The following DDC variants were observed in gnomAD, a reference collection of about 807,000 sequenced individuals.
DDC encodes the protein aromatic-L-amino-acid decarboxylase.
Under a neutral mutation model 60.0 loss-of-function variants are expected in DDC, and 43 were observed. That is an observed-to-expected ratio of 0.72 (90% confidence interval 0.56 to 0.92). DDC has a LOEUF of 0.92. Among genes scored for constraint, DDC ranks in the 40% least tolerant of loss-of-function variants. The pLI is 0.00. For missense variants in DDC, 573 were observed against 620.2 expected (o/e 0.92, Z 0.81); for synonymous variants, 232 against 234.6 (o/e 0.99, Z 0.10).
chr7:50,462,486 C>G (rs983536177), intron 14 of DDC, among the ~76,000 whole-genome samples: 1 of 152,118 alleles, frequency 6.6e-6, no homozygotes. Flanking sequence ...GCCCGGTAGT[C>G]GAAACATATC....
At chr7:50,530,697 G>A (rs1190989439) in intron 4 of DDC, among the ~76,000 whole-genome samples, 1 of 152,154 alleles carries the variant, frequency 6.6e-6, no homozygotes, top group Non-Finnish European at 1.5e-5. Flanking sequence ...AAAGGTAGGG[G>A]CAGCGAGCAC....
intron 4 of DDC, among the ~76,000 whole-genome samples, chr7:50,533,288 G>A (rs1319148195): frequency 6.6e-6 from 1 of 150,908 alleles, no homozygotes; most frequent in Non-Finnish European, 1.5e-5. Flanking sequence ...TATCTAGGTG[G>A]AAAGGGGACT....
intron 6 of DDC, among the ~76,000 whole-genome samples, chr7:50,505,722 C>A (rs2043375561): frequency 6.6e-6 from 1 of 152,372 alleles, no homozygotes; most frequent in African/African-American, 2.4e-5. Context: ...GATGCCTGCT[C>A]AGGGACCAGA....
At chr7:50,482,711 CA>C (rs1186757883) in intron 9 of DDC, among the ~76,000 whole-genome samples, 2 of 152,036 alleles carry the variant, frequency 1.3e-5, no homozygotes, top group Non-Finnish European at 2.9e-5. Flanking sequence ...TAATGACTTC[CA>C]AAAAATTATA....
intron 6 of DDC, among the ~76,000 whole-genome samples, chr7:50,510,019 G>A (rs1350225950): frequency 6.6e-6 from 1 of 151,584 alleles, no homozygotes; most frequent in East Asian, 1.9e-4. Flanking sequence ...TGCCCAGGCT[G>A]GAGTGAAGTG....
intron 4 of DDC, among the ~76,000 whole-genome samples, chr7:50,534,107 G>GT (rs2044309318): frequency 6.6e-6 from 1 of 152,226 alleles, no homozygotes; most frequent in African/African-American, 2.4e-5. Context: ...TCACGTGCAA[G>GT]GATGTTCCGA....
intron 1 of DDC, among the ~76,000 whole-genome samples, chr7:50,548,921 C>G (rs902440892): frequency 1.3e-5 from 2 of 152,156 alleles, no homozygotes; most frequent in Non-Finnish European, 2.9e-5. Context: ...TAAGTTGCAG[C>G]CTATGCTTAC....
At chr7:50,464,686 T>C (rs2042356405) in intron 13 of DDC, among the ~76,000 whole-genome samples, 1 of 152,100 alleles carries the variant, frequency 6.6e-6, no homozygotes, top group Non-Finnish European at 1.5e-5. Context: ...ACAATTACAA[T>C]GAACAAAGTA....
chr7:50,518,266 T>A (rs535813975), intron 6 of DDC, among the ~76,000 whole-genome samples: 2 of 150,868 alleles, frequency 1.3e-5, no homozygotes, highest in East Asian at 3.9e-4. Flanking sequence ...ACACATTCCA[T>A]GCTCATTAAT....
At chr7:50,539,692 G>A in intron 3 of DDC, 1 of 541,494 alleles carries the variant, frequency 1.8e-6, no homozygotes, top group Non-Finnish European at 3.4e-6. Flanking sequence ...CACAGCCTGT[G>A]CAGAATGGGC....
intron 1 of DDC, among the ~76,000 whole-genome samples, chr7:50,553,775 G>A (rs10229387): frequency 0.52 from 78,523 of 151,848 alleles, 22,542 homozygotes; most frequent in East Asian, 0.65. Context: ...GTGAACCACC[G>A]TACCCAGCCT....
At position 50,479,887 on chromosome 7, in the gene DDC, G is replaced by A. The variant is rs749547440; in HGVS notation, c.945-24C>T. 14 of 1,599,008 alleles carry A rather than the reference G, an allele frequency of 8.8e-6. No homozygotes were observed. In the East Asian group the frequency reaches 1.8e-4, roughly 20 times the overall value. On this transcript the variant is annotated intron_variant, in intron 9 of 14. Transcript: ENST00000444124. ...CCCTGGTTTTAGAGAACAAATGAAA[G>A]GGCTGATAACCAAGTACCCTAGACT...
At chr7:50,555,255 T>C (rs2045144107) in intron 1 of DDC, among the ~76,000 whole-genome samples, 1 of 152,142 alleles carries the variant, frequency 6.6e-6, no homozygotes, top group South Asian at 2.1e-4. Flanking sequence ...CCTGGGTTCC[T>C]GAGAAGCATG....
intron 9 of DDC, among the ~76,000 whole-genome samples, chr7:50,490,921 G>A (rs1041185081): frequency 6.6e-6 from 1 of 152,124 alleles, no homozygotes; most frequent in Non-Finnish European, 1.5e-5. Flanking sequence ...TACAATTGGG[G>A]AACTGGAAAG....
intron 6 of DDC, among the ~76,000 whole-genome samples, chr7:50,510,849 T>C (rs554580491): frequency 2.7e-5 from 4 of 150,842 alleles, no homozygotes; most frequent in East Asian, 2.0e-4. Context: ...GGCGCGGTGG[T>C]GGGCGCCTGT....
At chr7:50,459,919 A>G (rs1490921224) in intron 14 of DDC, among the ~76,000 whole-genome samples, 23 of 111,680 alleles carry the variant, frequency 2.1e-4, no homozygotes, top group African/African-American at 3.1e-4. Context: ...CGCCCCATCC[A>G]GGAGGGAGGT....
intron 1 of DDC, among the ~76,000 whole-genome samples, chr7:50,553,484 C>CTTTT (rs5884158): frequency 2.6e-3 from 240 of 90,678 alleles, no homozygotes; most frequent in Non-Finnish European, 3.4e-3. Flanking sequence ...TCTTTCTTTT[C>CTTTT]TTTTTTTTTT....
chr7:50,475,564 C>T (rs1480617008), intron 11 of DDC, among the ~76,000 whole-genome samples: 1 of 152,222 alleles, frequency 6.6e-6, no homozygotes, highest in East Asian at 1.9e-4. Context: ...GGGGAAGCCC[C>T]TGCTGGGTCA....
chr7:50,467,181 A>G (rs2042417808), intron 13 of DDC, 33 bp downstream of exon 13: 2 of 1,556,186 alleles, frequency 1.3e-6, no homozygotes, highest in Non-Finnish European at 1.8e-6. Context: ...TCACATTCAC[A>G]GAAAATGAAG....
Sources: gnomAD v4.1 joint callset for allele counts (sites outside exome capture counted in the v4.1 genomes callset) on GRCh38, gnomAD v4.1.1 for gene constraint, MANE v1.5 for transcripts, NCBI Gene and HGNC (gene_info 2026-07-23, HGNC 2026-07-21) for gene names.